The following EZH2 variants were observed in gnomAD, a reference collection of about 807,000 sequenced individuals.
EZH2 encodes the protein histone-lysine N-methyltransferase EZH2.
In EZH2, 18 loss-of-function variants were observed where a neutral mutation model predicts 98.4. The observed-to-expected ratio is 0.18, with a 90% confidence interval of 0.13 to 0.27. EZH2 has a LOEUF of 0.27. Among genes scored for constraint, EZH2 ranks in the 10% least tolerant of loss-of-function variants. The pLI is 1.00. For synonymous variants in EZH2, 338 were observed against 312.3 expected, an observed-to-expected ratio of 1.08 and a Z score of -0.87; for missense variants, 470 against 935.1, an observed-to-expected ratio of 0.50 and a Z score of 6.49.
At chr7:148,832,901 A>G (rs1809784830) in intron 3 of EZH2, 151 bp from the exon 4 acceptor site, 1 of 464,922 alleles carries the variant, frequency 2.2e-6, no homozygotes, top group African/African-American at 1.9e-5. Context: ...TATAAACCAA[A>G]TAGGATTCTC....
chr7:148,826,127 A>AT (rs1270837831), intron 8 of EZH2, among the ~76,000 whole-genome samples: 1 of 152,152 alleles, frequency 6.6e-6, no homozygotes, highest in Non-Finnish European at 1.5e-5. Context: ...TTATTCATCA[A>AT]TATCAGCAAT....
At chr7:148,876,076 T>C (rs1169753788) in intron 1 of EZH2, 1 of 151,850 alleles carries the variant, frequency 6.6e-6, no homozygotes. Context: ...AGGTGAGAGG[T>C]TCGATTGAGC....
In EZH2 at chr7:148,864,823, C is replaced by T. The variant is rs150509688; in HGVS notation, c.-7-17518G>A. On this transcript the variant is annotated intron_variant, in intron 1 of 19. Transcript: ENST00000320356. ...TACAGAAACACTGTTGGAGGAAAAA[C>T]GGAAAAAAATAGGTATCAGAGGCTG... Among the ~76,000 whole-genome samples the T allele has an allele frequency of 3.3e-3, 500 of 151,330 alleles. 4 individuals carry two copies. Among genetic ancestry groups the T allele is most frequent in the African/African-American group, 0.012 (488 of 41,288 alleles).
chr7:148,864,740 T>A (rs1818194793), intron 1 of EZH2, among the ~76,000 whole-genome samples: 1 of 150,858 alleles, frequency 6.6e-6, no homozygotes, highest in Non-Finnish European at 1.5e-5. Context: ...TCTTGAAAAC[T>A]ATACTAAATC....
chr7:148,820,866 A>G (rs1375568700), intron 8 of EZH2: 1 of 152,234 alleles, frequency 6.6e-6, no homozygotes, highest in African/African-American at 2.4e-5. Context: ...GAGAACACAT[A>G]AACTTCATAC....
At chr7:148,855,365 A>G (rs1816644526) in intron 1 of EZH2, among the ~76,000 whole-genome samples, 1 of 152,196 alleles carries the variant, frequency 6.6e-6, no homozygotes, top group Non-Finnish European at 1.5e-5. Flanking sequence ...TATACACAGC[A>G]TTAAACAAAA....
intron 1 of EZH2, among the ~76,000 whole-genome samples, chr7:148,856,327 A>G (rs1273070340): frequency 6.6e-6 from 1 of 152,258 alleles, no homozygotes; most frequent in Non-Finnish European, 1.5e-5. Context: ...CACAGAAAGA[A>G]GTTACAAATA....
At chr7:148,822,591 C>T (rs1584972253) in intron 8 of EZH2, among the ~76,000 whole-genome samples, 1 of 150,836 alleles carries the variant, frequency 6.6e-6, no homozygotes, top group Non-Finnish European at 1.5e-5. Flanking sequence ...TTTCAAAAAA[C>T]CTAATTTCCT....
Position 148,826,529 on chromosome 7 carries a change from A to G in EZH2, c.832T>C (p.Leu278=), listed in dbSNP as rs1807766309. The G allele has an allele frequency of 1.2e-6, 2 of 1,607,058 alleles. No homozygotes were observed. The highest frequency in any genetic ancestry group is 1.7e-6 in the Non-Finnish European group (2 of 1,175,572). The part of the protein sequence containing the change: ...NAKSVQREQS[L]HSFHTLFCRR... Reference sequence around the variant, plus strand: ...CAGAAAAGCGTATGAAAGGAGTGTAAGCTTTGCTCTCTCTGAACAGATTTA... The same window carrying G: ...CAGAAAAGCGTATGAAAGGAGTGTAGGCTTTGCTCTCTCTGAACAGATTTA... Residue 278 remains leucine, a synonymous_variant, in exon 8 of 20, where the codon TTA becomes CTA. Transcript: ENST00000320356.
chr7:148,822,928 C>T (rs1254581241), intron 8 of EZH2, among the ~76,000 whole-genome samples: 2 of 152,030 alleles, frequency 1.3e-5, no homozygotes, highest in African/African-American at 4.8e-5. Flanking sequence ...GGCGACAGAG[C>T]GAGACCCGTC....
At chr7:148,810,992 G>A (rs1383574313) in intron 16 of EZH2, among the ~76,000 whole-genome samples, 1 of 151,868 alleles carries the variant, frequency 6.6e-6, no homozygotes. Context: ...CAATTTAAAA[G>A]GTGAATAACT....
intron 8 of EZH2, among the ~76,000 whole-genome samples, chr7:148,822,756 A>G (rs1806515870): frequency 6.6e-6 from 1 of 152,100 alleles, no homozygotes; most frequent in Non-Finnish European, 1.5e-5. Flanking sequence ...AGCCTGGCCA[A>G]CATGGTGAAA....
At position 148,855,379 on chromosome 7, in the gene EZH2, AAG is replaced by A. The variant is rs200918709; in HGVS notation, c.-7-8076_-7-8075del. On this transcript the variant is annotated intron_variant, in intron 1 of 19. Transcript: ENST00000320356. Reference sequence around the variant, plus strand: ...CTATACACAGCATTAAACAAAAAGCAAGAGTTTGGACTCCAAAGCTCATTCCC... The same window carrying A: ...CTATACACAGCATTAAACAAAAAGCAAGTTTGGACTCCAAAGCTCATTCCC... Among the ~76,000 whole-genome samples the A allele has an allele frequency of 7.3e-3, 1,105 of 152,312 alleles. 18 individuals carry two copies. Among genetic ancestry groups the A allele is most frequent in the African/African-American group, 0.025 (1,052 of 41,556 alleles).
At chr7:148,816,178 T>C (rs78398337) in intron 12 of EZH2, among the ~76,000 whole-genome samples, 1,928 of 152,262 alleles carry the variant, frequency 0.013, 49 homozygotes, top group African/African-American at 0.044. Context: ...ATTTTTCTGG[T>C]TCTACATTTA....
At chr7:148,810,289 A>C (rs763905077) in intron 17 of EZH2, 44 bp downstream of exon 17, 12 of 1,436,206 alleles carry the variant, frequency 8.4e-6, no homozygotes, top group Non-Finnish European at 1.1e-5. Flanking sequence ...GAAGGCTGCC[A>C]CATGCAACTC....
chr7:148,851,551 A>C (rs1160470200), intron 1 of EZH2, among the ~76,000 whole-genome samples: 2 of 152,156 alleles, frequency 1.3e-5, no homozygotes, highest in African/African-American at 4.8e-5. Flanking sequence ...ACAACACCAC[A>C]GCCAAGTAAG....
chr7:148,826,620 G>C lies in EZH2; in HGVS notation c.741C>G (p.Leu247=). The change falls in exon 8 of 20, where the codon CTC becomes CTG. Residue 247 remains leucine (L), a synonymous_variant. Coordinates refer to ENST00000320356, the MANE Select transcript of EZH2 (RefSeq NM_004456.5). The part of the protein sequence containing the change: ...AEELKEKYKE[L]TEQQLPGALP... ...GTGCGCCTGGGAGCTGCTGTTCGGT[G>C]AGTTCTTTATATCTGACATTAACCA... The C allele has an allele frequency of 6.5e-7, 1 of 1,535,602 alleles. No homozygotes were observed. Among genetic ancestry groups the C allele is most frequent in the Non-Finnish European group, 8.8e-7 (1 of 1,138,834 alleles).
At chr7:148,861,286 G>A (rs2129488273) in intron 1 of EZH2, among the ~76,000 whole-genome samples, 1 of 151,128 alleles carries the variant, frequency 6.6e-6, no homozygotes, top group East Asian at 1.9e-4. Context: ...GAGTGCAGTG[G>A]CGCAATCTTG....
rs1802268834 is a variant in EZH2, at chr7:148,808,861, T to TG, written c.2195+209_2195+210insC. On this transcript the variant is annotated intron_variant, in intron 19 of 19. Transcript: ENST00000320356. ...GAGAAATGGGGCTTTCTGCATGGATTTTACTCTATTTTAAAAATAAGCATG... is the reference window on the plus strand; with the variant it reads ...GAGAAATGGGGCTTTCTGCATGGATTGTTACTCTATTTTAAAAATAAGCATG... Among the ~76,000 whole-genome samples, 2 of 152,140 alleles carry TG rather than the reference T, an allele frequency of 1.3e-5. 1 individual carries two copies. Among genetic ancestry groups the TG allele is most frequent in the South Asian group, 4.1e-4 (2 of 4,828 alleles).
Sources: gnomAD v4.1 joint callset for allele counts (sites outside exome capture counted in the v4.1 genomes callset) on GRCh38, gnomAD v4.1.1 for gene constraint, MANE v1.5 for transcripts, NCBI Gene and HGNC (gene_info 2026-07-23, HGNC 2026-07-21) for gene names.